The following CFAP57 variants were observed in gnomAD, a reference collection of about 807,000 sequenced individuals.
CFAP57 encodes the protein cilia- and flagella-associated protein 57.
CFAP57 carries 116 observed loss-of-function variants against 146.8 expected under a neutral mutation model. The ratio of observed to expected loss-of-function variants is 0.79; its 90% CI spans 0.68 to 0.92. CFAP57 has a LOEUF of 0.92. Ranked by LOEUF, CFAP57 falls within the 40% of genes least tolerant of loss-of-function variation. The probability of loss-of-function intolerance (pLI) is 0.00; values close to 1 mark genes in which losing one functional copy is unlikely to be tolerated. For missense variants in CFAP57, 1,377 were observed against 1,527.2 expected, an observed-to-expected ratio of 0.90 and a Z score of 1.64; for synonymous variants, 518 against 552.8, an observed-to-expected ratio of 0.94 and a Z score of 0.88.
chr1:43,221,374 C>G lies in CFAP57; in HGVS notation c.2250C>G (p.Val750=). The change falls in exon 14 of 23, where the codon GTC becomes GTG. Residue 750 remains valine, a splice_region_variant and synonymous_variant. Transcript: ENST00000372492. ...GAGGAAATGTGACTCTGTTTTAGGTCTTAAGAACAGAAAAAGAGAAGCAGG... is the reference window on the plus strand; with the variant it reads ...GAGGAAATGTGACTCTGTTTTAGGTGTTAAGAACAGAAAAAGAGAAGCAGG... ...EMESLKTKNQ[V]LRTEKEKQDV... is the part of the protein sequence containing the mutation. 1 of 1,541,422 alleles carries G rather than the reference C, an allele frequency of 6.5e-7. No homozygotes were observed.
intron 9 of CFAP57, among the ~76,000 whole-genome samples, chr1:43,202,655 C>T (rs1420671108): frequency 6.6e-6 from 1 of 151,870 alleles, no homozygotes; most frequent in East Asian, 1.9e-4. Context: ...TGGTGGCACA[C>T]ACCTGTAATC....
intron 5 of CFAP57, among the ~76,000 whole-genome samples, chr1:43,185,897 G>A (rs1346996142): frequency 6.6e-6 from 1 of 151,640 alleles, no homozygotes; most frequent in Non-Finnish European, 1.5e-5. Flanking sequence ...CAGCCTGGTC[G>A]ACAGATTGAG....
At chr1:43,189,445 T>C (rs953313986) in intron 6 of CFAP57, among the ~76,000 whole-genome samples, 23 of 152,352 alleles carry the variant, frequency 1.5e-4, no homozygotes, top group Non-Finnish European at 3.1e-4. Context: ...TTTCAGAGTA[T>C]AACTTTTGCA....
At chr1:43,225,444 G>T (rs1423379816) in intron 17 of CFAP57, among the ~76,000 whole-genome samples, 1 of 152,256 alleles carries the variant, frequency 6.6e-6, no homozygotes, top group Non-Finnish European at 1.5e-5. Context: ...ACTTGGCTGT[G>T]TTCCAATAAA....
chr1:43,231,981 G>T (rs944525140), intron 18 of CFAP57: 27 of 633,094 alleles, frequency 4.3e-5, no homozygotes, highest in Admixed American at 4.7e-5. Context: ...ATGAGGCTGA[G>T]GCCCCTTCTC....
At chr1:43,242,853 A>C (rs1156427379) in intron 21 of CFAP57, among the ~76,000 whole-genome samples, 1 of 151,692 alleles carries the variant, frequency 6.6e-6, no homozygotes, top group Non-Finnish European at 1.5e-5. Context: ...TATAATAGCC[A>C]TATAATTATA....
At chr1:43,232,190 G>A in intron 18 of CFAP57, 4 of 640,226 alleles carry the variant, frequency 6.2e-6, no homozygotes, top group South Asian at 1.7e-5. Flanking sequence ...CTAGTGCTTG[G>A]GTGTCACCAA....
At position 43,224,158 on chromosome 1, in the gene CFAP57, G is replaced by T. The variant is rs1343568020; in HGVS notation, c.2819G>T (p.Gly940Val). 3 of 1,549,792 alleles carry T rather than the reference G, an allele frequency of 1.9e-6. No homozygotes were observed. The highest frequency in any genetic ancestry group is 1.2e-5 in the South Asian group (1 of 83,918). ...AAGTCTCTGGAGAAGGACATCCAAG[G>T]CCTCAAGCGAGAGATCCAGGAAAGA... ...VIKSLEKDIQ[G>V]LKREIQERDE... is the part of the protein sequence containing the mutation. Residue 940 changes from glycine (G) to valine (V), a missense_variant, in exon 17 of 23, where the codon GGC becomes GTC. By Grantham distance (109) the Gly-to-Val change is moderately radical. Coordinates refer to ENST00000372492, the MANE Select transcript of CFAP57 (RefSeq NM_001378189.1).
At chr1:43,253,567 G>A (rs1420378909) in intron 22 of CFAP57, among the ~76,000 whole-genome samples, 4 of 152,160 alleles carry the variant, frequency 2.6e-5, no homozygotes, top group South Asian at 2.1e-4. Flanking sequence ...GGAGAGGCAC[G>A]AAGGGGTCTG....
intron 2 of CFAP57, chr1:43,177,178 G>A (rs1456446946): frequency 4.4e-6 from 2 of 456,202 alleles, no homozygotes; most frequent in East Asian, 6.9e-5. Context: ...AAGGAAGCAG[G>A]GAGAACAGCT....
intron 21 of CFAP57, among the ~76,000 whole-genome samples, chr1:43,242,877 A>G (rs1414542529): frequency 6.6e-6 from 1 of 151,956 alleles, no homozygotes; most frequent in Non-Finnish European, 1.5e-5. Context: ...ATATAATATA[A>G]TAGCCATATA....
Position 43,254,157 on chromosome 1 carries a change from A to G in CFAP57, c.3719A>G (p.Asn1240Ser), listed in dbSNP as rs1341957202. Residue 1240 changes from asparagine to serine, a missense_variant, in exon 23 of 23, where the codon AAC becomes AGC. Coordinates refer to ENST00000372492, the MANE Select transcript of CFAP57 (RefSeq NM_001378189.1). ...LAGVRLPSLSNSEVDLEVKTN is the reference protein window; with the variant it reads ...LAGVRLPSLSSSEVDLEVKTN ...GGAGTTCGGCTTCCTTCCCTCTCCA[A>G]CTCCGAGGTAGACTTAGAGGTGAAG... 7 of 1,550,260 alleles carry G rather than the reference A, an allele frequency of 4.5e-6. No homozygotes were observed. The East Asian group carries it at 1.7e-4, about 38-fold the overall frequency.
Position 43,172,384 on chromosome 1 carries a change from TTGCTTAGGATCCC to T in CFAP57, c.-87_-75del. ...GCTACGGCGTTTGAAAGTGTCCGGG[TTGCTTAGGATCCC>T]TACAGGTAGCGCCTCTGGATACATG... On this transcript the variant is annotated 5_prime_UTR_variant, in exon 1 of 23. Transcript: ENST00000372492. 1.3e-6 allele frequency: 2 copies of T among 1,551,398 alleles called. No individual in the cohort carries two copies. Among genetic ancestry groups the T allele is most frequent in the Non-Finnish European group, 1.7e-6 (2 of 1,146,936 alleles).
In CFAP57 at chr1:43,234,754, C is replaced by A. The variant is rs115508960; in HGVS notation, c.3405+116C>A. On this transcript the variant is annotated intron_variant, in intron 21 of 22. Coordinates refer to ENST00000372492, the MANE Select transcript of CFAP57 (RefSeq NM_001378189.1). ...AGGGCTCCCCAGGTGTCTGGGGGCC[C>A]AGTAGCTCCCCCTAAAGTCTTATTT... is the stretch of plus-strand genomic sequence containing the variant. 323 of 1,273,036 alleles carry A rather than the reference C, an allele frequency of 2.5e-4. 1 individual carries two copies. Among genetic ancestry groups the A allele is most frequent in the Admixed American group, 2.5e-3 (87 of 34,392 alleles). 78.9% of individuals were successfully genotyped at this position (1,273,036 alleles called of 1,614,324 possible).
Position 43,238,860 on chromosome 1 carries a change from C to G in CFAP57, c.3405+4222C>G, listed in dbSNP as rs1446731676. Among the ~76,000 whole-genome samples, 2 of 152,130 alleles carry G rather than the reference C, an allele frequency of 1.3e-5. No individual in the cohort carries two copies. The highest frequency in any genetic ancestry group is 4.8e-5 in the African/African-American group (2 of 41,410). ...CAGGGTTCAGACACCAGCTCTACCA[C>G]TGAGATACGGCCTCAGTTTCCTCAC... On this transcript the variant is annotated intron_variant, in intron 21 of 22. Transcript: ENST00000372492. The surrounding 1 kb of genome is among the most constrained non-coding windows in gnomAD (Gnocchi z 4.3).
chr1:43,191,480 G>A (rs1449778837), intron 6 of CFAP57, among the ~76,000 whole-genome samples: 2 of 151,492 alleles, frequency 1.3e-5, no homozygotes, highest in Non-Finnish European at 1.5e-5. Context: ...CCAGCTACTC[G>A]GGAGGCTGAG....
At position 43,186,927 on chromosome 1, in the gene CFAP57, G is replaced by A. The variant is rs1012699564; in HGVS notation, c.1122+68G>A. 8.2e-6 allele frequency: 13 copies of A among 1,593,198 alleles called. 1 individual carries two copies. The African/African-American group carries it at 1.5e-4, about 18-fold the overall frequency. On this transcript the variant is annotated intron_variant, in intron 6 of 22. Coordinates refer to ENST00000372492, the MANE Select transcript of CFAP57 (RefSeq NM_001378189.1). ...TGCCTGCTGGGGGACTAGTCACCAT[G>A]TGGGCAAATTTTAATCCAAATAAGT...
chr1:43,246,419 G>C (rs1423838782), intron 22 of CFAP57, among the ~76,000 whole-genome samples: 1 of 152,176 alleles, frequency 6.6e-6, no homozygotes, highest in Non-Finnish European at 1.5e-5. Context: ...AGATCATTTA[G>C]TAGGGAAAGG....
intron 22 of CFAP57, among the ~76,000 whole-genome samples, chr1:43,246,723 G>A (rs1470839713): frequency 1.3e-5 from 2 of 152,216 alleles, no homozygotes; most frequent in African/African-American, 2.4e-5. Context: ...GCATGTATGT[G>A]AGATTTGGCT....
Sources: gnomAD v4.1 joint callset for allele counts (sites outside exome capture counted in the v4.1 genomes callset) on GRCh38, gnomAD v4.1.1 for gene constraint, Gnocchi (gnomAD v3.1) non-coding constraint, MANE v1.5 for transcripts, NCBI Gene and HGNC (gene_info 2026-07-23, HGNC 2026-07-21) for gene names.